MICAL2: variants seen among roughly 807,000 people sequenced by gnomAD.
The protein encoded by MICAL2 is [F-actin]-monooxygenase MICAL2.
Under a neutral mutation model 127.3 loss-of-function variants are expected in MICAL2, and 77 were observed. The ratio of observed to expected loss-of-function variants is 0.60; its 90% confidence interval spans 0.50 to 0.73. MICAL2 has a LOEUF of 0.73. MICAL2 is among the 30% of genes least tolerant of loss of function. MICAL2 has a pLI of 0.00. For synonymous variants in MICAL2, 570 were observed against 551.1 expected (o/e 1.03, Z -0.48); for missense variants, 1,351 against 1,434.4 (o/e 0.94, Z 0.94).
At position 12,356,024 on chromosome 11, in the gene MICAL2, A is replaced by G. The variant is rs183586705; in HGVS notation, c.5689+1167A>G. On this transcript the variant is annotated intron_variant, in intron 34 of 34. Transcript: ENST00000646065. ...TCCTGGAATATACCTAACTTAATAA[A>G]CCATAGGTTCTAACTGATATCTGAT... Among the ~76,000 whole-genome samples, 254 of 152,260 alleles carry G rather than the reference A, an allele frequency of 1.7e-3. 1 individual carries two copies. The highest frequency in any genetic ancestry group is 6.0e-3 in the African/African-American group (248 of 41,528).
intron 1 of MICAL2, among the ~76,000 whole-genome samples, chr11:12,277,873 A>G (rs1863737680): frequency 6.6e-6 from 1 of 152,236 alleles, no homozygotes. Context: ...GGTGTAACCT[A>G]TTGCTCCCAG....
At chr11:12,155,377 G>A (rs184190772) in intron 2 of MICAL2, among the ~76,000 whole-genome samples, 18 of 151,930 alleles carry the variant, frequency 1.2e-4, no homozygotes, top group South Asian at 1.0e-3. Context: ...GTGTATTTGC[G>A]CACACATGAA....
intron 32 of MICAL2, among the ~76,000 whole-genome samples, chr11:12,331,862 T>C (rs2055107): frequency 2.1e-4 from 32 of 152,328 alleles, no homozygotes; most frequent in African/African-American, 7.2e-4. Flanking sequence ...TTTATGTCCC[T>C]ATTATTATAA....
At chr11:12,330,419 A>C (rs1367279453) in intron 32 of MICAL2, among the ~76,000 whole-genome samples, 1 of 152,208 alleles carries the variant, frequency 6.6e-6, no homozygotes, top group Non-Finnish European at 1.5e-5. Flanking sequence ...GTGAATAACC[A>C]AATTTAGAGA....
downstream of MICAL2, among the ~76,000 whole-genome samples, chr11:12,362,051 A>T (rs1939212882): frequency 6.6e-6 from 1 of 152,266 alleles, no homozygotes; most frequent in Non-Finnish European, 1.5e-5. Flanking sequence ...ATTGGGAACT[A>T]TTCATGTGGA....
chr11:12,182,751 G>A (rs768151986), intron 3 of MICAL2, among the ~76,000 whole-genome samples: 1 of 152,146 alleles, frequency 6.6e-6, no homozygotes, highest in South Asian at 2.1e-4. Context: ...GCAGTGAGAC[G>A]TTCAGACCCT....
intron 1 of MICAL2, among the ~76,000 whole-genome samples, chr11:12,119,527 GCTGA>G (rs1422324308): frequency 2.0e-5 from 3 of 152,292 alleles, no homozygotes; most frequent in Non-Finnish European, 4.4e-5. Flanking sequence ...AAGGCAACTG[GCTGA>G]CTGTCTTTTG....
At chr11:12,358,392 A>T (rs761442256) in exon 35 of MICAL2, 3 of 1,614,182 alleles carry the variant, frequency 1.9e-6, no homozygotes, top group Non-Finnish European at 2.5e-6. Flanking sequence ...TCGATTCCTT[A>T]GAGGAACAAC....
downstream of MICAL2, chr11:12,294,428 T>C (rs771669759): frequency 1.2e-6 from 2 of 1,614,132 alleles, no homozygotes; most frequent in Non-Finnish European, 8.5e-7. Flanking sequence ...GAGAAACCAG[T>C]CCTCAGCCTT....
chr11:12,137,755 T>A (rs944296036), intron 1 of MICAL2, among the ~76,000 whole-genome samples: 2 of 152,240 alleles, frequency 1.3e-5, no homozygotes, highest in South Asian at 2.1e-4. Context: ...TATTTTGATT[T>A]ATTTTTTAAT....
intron 6 of MICAL2, among the ~76,000 whole-genome samples, chr11:12,211,785 G>GAGTCCA (rs1457338277): frequency 6.6e-6 from 1 of 152,204 alleles, no homozygotes; most frequent in Non-Finnish European, 1.5e-5. Context: ...ACAGGGGAGA[G>GAGTCCA]AGTCCAGTGG....
Position 12,259,956 on chromosome 11 carries a change from C to A in MICAL2, c.3334+59C>A, listed in dbSNP as rs751334494. On this transcript the variant is annotated intron_variant, in intron 26 of 27. Coordinates refer to ENST00000683283, the MANE Select transcript of MICAL2 (RefSeq NM_001282663.2). ...GCTGGCCCCTCAGGCTGCCGAGGGA[C>A]CTGTGTAACTGGATGCAGGGACTCC... 2.6e-5 allele frequency: 42 copies of A among 1,588,274 alleles called. No homozygotes were observed. In the Middle Eastern group the frequency reaches 1.3e-3, roughly 50 times the overall value.
chr11:12,293,744 G>A, downstream of MICAL2: 2 of 1,614,066 alleles, frequency 1.2e-6, no homozygotes, highest in Non-Finnish European at 1.7e-6. Context: ...TGGCCTCTCA[G>A]ACCCTGCAGA....
At chr11:12,141,734 G>A (rs924457474) in intron 2 of MICAL2, among the ~76,000 whole-genome samples, 1 of 152,198 alleles carries the variant, frequency 6.6e-6, no homozygotes, top group Non-Finnish European at 1.5e-5. Context: ...TCAGAGGGTA[G>A]TCAATATGTT....
chr11:12,207,016 G>A (rs568650386), intron 4 of MICAL2, among the ~76,000 whole-genome samples: 1,404 of 121,168 alleles, frequency 0.012, 20 homozygotes, highest in African/African-American at 0.039. Context: ...TTCTAACGTC[G>A]CAGTCTGCTG....
intron 10 of MICAL2, 21 bp downstream of exon 10, chr11:12,221,780 T>G: frequency 6.3e-7 from 1 of 1,598,844 alleles, no homozygotes; most frequent in Non-Finnish European, 8.6e-7. Flanking sequence ...ACAGTAGGGC[T>G]CCTAACTGGG....
At chr11:12,336,897 T>C (rs2134872803) in intron 32 of MICAL2, among the ~76,000 whole-genome samples, 1 of 152,264 alleles carries the variant, frequency 6.6e-6, no homozygotes, top group South Asian at 2.1e-4. Flanking sequence ...TCATCAAGGA[T>C]ATTGGTCTAA....
chr11:12,214,963 A>G (rs1485165814), intron 7 of MICAL2, among the ~76,000 whole-genome samples: 1 of 152,176 alleles, frequency 6.6e-6, no homozygotes, highest in Non-Finnish European at 1.5e-5. Context: ...GTTGAGCAAG[A>G]TTGTACTTCT....
chr11:12,136,940 G>C lies in MICAL2; in HGVS notation c.-148-1450G>C, dbSNP rs546126750. Reference sequence around the variant, plus strand: ...GACTTCTGTTCCTGAGATCTAGAGAGCATGGCGGGGTCCCTGGCTTCTGAA... The same window carrying C: ...GACTTCTGTTCCTGAGATCTAGAGACCATGGCGGGGTCCCTGGCTTCTGAA... On this transcript the variant is annotated intron_variant, in intron 1 of 27. Transcript: ENST00000683283. Among the ~76,000 whole-genome samples the C allele has an allele frequency of 4.6e-5, 7 of 152,328 alleles. No homozygotes were observed. The South Asian group carries it at 1.4e-3, about 32-fold the overall frequency.
Sources: allele counts gnomAD v4.1 joint callset (sites outside exome capture counted in the v4.1 genomes callset), GRCh38; gene constraint gnomAD v4.1.1; transcripts MANE v1.5; gene names NCBI Gene and HGNC (gene_info 2026-07-23, HGNC 2026-07-21).